MAST4: variants seen among roughly 807,000 people sequenced by gnomAD.
MAST4 encodes the protein microtubule associated serine/threonine kinase family member 4, also known as microtubule-associated serine/threonine-protein kinase 4.
MAST4 carries 89 observed loss-of-function variants against 162.7 expected under a neutral mutation model. The observed-to-expected ratio is 0.55, with a 90% CI of 0.46 to 0.65. The LOEUF (loss-of-function observed/expected upper bound fraction) is 0.65. MAST4 is among the 30% of genes least tolerant of loss of function. MAST4 has a pLI of 0.00. For missense variants in MAST4, 3,153 were observed against 3,374.0 expected (o/e 0.93, Z 1.62); for synonymous variants, 1,479 against 1,361.1 (o/e 1.09, Z -1.91).
At chr5:67,128,571 C>T (rs1471331858) in intron 14 of MAST4, among the ~76,000 whole-genome samples, 1 of 151,978 alleles carries the variant, frequency 6.6e-6, no homozygotes, top group Non-Finnish European at 1.5e-5. Flanking sequence ...GATGAAAAGA[C>T]AGAGATAAAA....
At position 66,596,943 on chromosome 5, in the gene MAST4, G is replaced by A; in HGVS notation, c.288G>A (p.Pro96=). The change falls in exon 1 of 29, where the codon CCG becomes CCA. Residue 96 remains proline, a synonymous_variant. Transcript: ENST00000403625. ...TGGAGCGCGGAGTCCTTGCGCTGCC[G>A]CCGCCGCTTCCCGGAGGAGCTGTGC... ...VLLERGVLAL[P]PPLPGGAVPP... is the part of the protein sequence containing the mutation. The A allele has an allele frequency of 7.2e-7, 1 of 1,394,502 alleles. No homozygotes were observed. Among genetic ancestry groups the A allele is most frequent in the East Asian group, 3.1e-5 (1 of 32,674 alleles). 86.4% of individuals were successfully genotyped at this position (1,394,502 alleles called of 1,614,324 possible).
intron 17 of MAST4, 39 bp from the exon 18 acceptor site, chr5:67,134,484 T>TAATA: frequency 6.3e-7 from 1 of 1,581,678 alleles, no homozygotes; most frequent in Non-Finnish European, 8.6e-7. Context: ...AATTCATGTC[T>TAATA]AATATTCCAA....
intron 11 of MAST4, among the ~76,000 whole-genome samples, chr5:67,110,456 A>G (rs1766103645): frequency 6.6e-6 from 1 of 152,258 alleles, no homozygotes; most frequent in African/African-American, 2.4e-5. Context: ...TCATAAAATA[A>G]TGTACTTGAC....
intron 21 of MAST4, among the ~76,000 whole-genome samples, chr5:67,143,964 C>T (rs1432570971): frequency 2.0e-5 from 3 of 151,756 alleles, no homozygotes; most frequent in South Asian, 2.1e-4. Flanking sequence ...CAGTAGGGAG[C>T]GCTTCCTGCC....
chr5:67,049,020 T>TACGTATATATATATATAC (rs1757748172), intron 4 of MAST4, among the ~76,000 whole-genome samples: 1 of 102,924 alleles, frequency 9.7e-6, no homozygotes, highest in African/African-American at 4.1e-5. Context: ...TATATATATA[T>TACGTATATATATATATAC]ACGTATATAT....
chr5:67,134,386 T>G (rs1419975898), intron 17 of MAST4, 137 bp from the exon 18 acceptor site: 1 of 555,164 alleles, frequency 1.8e-6, no homozygotes, highest in African/African-American at 1.9e-5. Context: ...TAATTGGTGC[T>G]CTTAAGTTCT....
At chr5:66,870,848 C>T in intron 3 of MAST4, 1 of 471,474 alleles carries the variant, frequency 2.1e-6, no homozygotes, top group South Asian at 1.5e-5. Flanking sequence ...CCAGCTGCTT[C>T]AAAAGTGAGT....
At chr5:67,037,404 G>A (rs1328089732) in intron 4 of MAST4, among the ~76,000 whole-genome samples, 1 of 152,084 alleles carries the variant, frequency 6.6e-6, no homozygotes, top group Non-Finnish European at 1.5e-5. Flanking sequence ...TTTTAGGCTG[G>A]TGTGACTCAG....
intron 17 of MAST4, 64 bp from the exon 18 acceptor site, chr5:67,134,459 C>A (rs1166144470): frequency 2.7e-5 from 40 of 1,455,772 alleles, no homozygotes; most frequent in Admixed American, 1.4e-4. Flanking sequence ...GGTGACTAGC[C>A]ATCTTGCTCA....
intron 7 of MAST4, among the ~76,000 whole-genome samples, chr5:67,097,362 G>C (rs769677560): frequency 2.6e-4 from 39 of 152,064 alleles, no homozygotes; most frequent in Non-Finnish European, 5.0e-4. Flanking sequence ...TGTAATTGCT[G>C]TTGTTTTTTT....
chr5:66,616,195 G>C (rs1162124751), intron 1 of MAST4, among the ~76,000 whole-genome samples: 1 of 152,168 alleles, frequency 6.6e-6, no homozygotes, highest in Non-Finnish European at 1.5e-5. Flanking sequence ...AGAACTCTAG[G>C]AAAGAGGTCC....
At chr5:66,958,364 G>T (rs1196751387) in intron 4 of MAST4, among the ~76,000 whole-genome samples, 1 of 152,186 alleles carries the variant, frequency 6.6e-6, no homozygotes, top group Non-Finnish European at 1.5e-5. Flanking sequence ...TCCAAGTTAT[G>T]AATGCTGTGA....
intron 1 of MAST4, among the ~76,000 whole-genome samples, chr5:66,747,696 G>A (rs1272515618): frequency 6.6e-6 from 1 of 152,166 alleles, no homozygotes; most frequent in African/African-American, 2.4e-5. Flanking sequence ...AATAGGTGAA[G>A]AGAGACAAAA....
chr5:66,731,476 C>A (rs150526906), intron 1 of MAST4, among the ~76,000 whole-genome samples: 2 of 148,800 alleles, frequency 1.3e-5, no homozygotes, highest in South Asian at 2.1e-4. Context: ...TAGGTTATAT[C>A]TGCTTATTTC....
chr5:66,873,230 C>A (rs557175923), intron 3 of MAST4, among the ~76,000 whole-genome samples: 1 of 152,122 alleles, frequency 6.6e-6, no homozygotes, highest in Non-Finnish European at 1.5e-5. Flanking sequence ...TGAGGAGGGC[C>A]TAAAAATGTT....
intron 3 of MAST4, chr5:66,828,814 G>T (rs748722617): frequency 2.5e-6 from 4 of 1,602,810 alleles, no homozygotes; most frequent in Admixed American, 1.7e-5. Flanking sequence ...CTAGACTGTT[G>T]TGAGAGGCTC....
chr5:67,128,942 C>G (rs1406861240), intron 14 of MAST4, among the ~76,000 whole-genome samples: 2 of 152,176 alleles, frequency 1.3e-5, no homozygotes. Context: ...AGAAAGGAGC[C>G]CATCCAAGAC....
In MAST4 at chr5:66,606,920, A is replaced by T. The variant is rs1391623776; in HGVS notation, c.363+9902A>T. ...AAATATTAAATGAGTATATGAATTTACTCATTTAAATATTAAATGAGTATA... is the reference window on the plus strand; with the variant it reads ...AAATATTAAATGAGTATATGAATTTTCTCATTTAAATATTAAATGAGTATA... On this transcript the variant is annotated intron_variant, in intron 1 of 28. Coordinates refer to ENST00000403625, the MANE Select transcript of MAST4 (RefSeq NM_001164664.2). Among the ~76,000 whole-genome samples the T allele has an allele frequency of 2.0e-5, 3 of 152,000 alleles. No individual in the cohort carries two copies. The East Asian group carries it at 5.8e-4, about 29-fold the overall frequency.
rs1353644789 is a variant in MAST4 at position 67,116,361 on chromosome 5, A to G, written c.1591+2142A>G. Among the ~76,000 whole-genome samples the G allele has an allele frequency of 2.0e-5, 3 of 151,654 alleles. No homozygotes were observed. The East Asian group carries it at 6.0e-4, about 30-fold the overall frequency. On this transcript the variant is annotated intron_variant, in intron 12 of 28. Transcript: ENST00000403625. ...TCTGGGATTACAGACGTGTGTCACCATGCTCAGCTAATTTTTGTATTTTTA... is the reference window on the plus strand; with the variant it reads ...TCTGGGATTACAGACGTGTGTCACCGTGCTCAGCTAATTTTTGTATTTTTA...
Sources: allele counts gnomAD v4.1 joint callset (sites outside exome capture counted in the v4.1 genomes callset), GRCh38; gene constraint gnomAD v4.1.1; transcripts MANE v1.5; gene names NCBI Gene and HGNC (gene_info 2026-07-23, HGNC 2026-07-21).